Variants in PDE7A observed in about 807,000 individuals in gnomAD.
PDE7A encodes the protein high affinity 3',5'-cyclic-AMP phosphodiesterase 7A.
PDE7A carries 39 observed loss-of-function variants against 64.3 expected under a neutral mutation model. That is an observed-to-expected ratio of 0.61 (90% CI 0.47 to 0.79). The LOEUF is 0.79. Ranked by LOEUF, PDE7A falls within the 30% of genes least tolerant of loss-of-function variation. The pLI is 0.00. For missense variants in PDE7A, 470 were observed against 582.8 expected (o/e 0.81, Z 1.99); for synonymous variants, 203 against 206.8 (o/e 0.98, Z 0.16).
intron 4 of PDE7A, among the ~76,000 whole-genome samples, chr8:65,746,436 A>G (rs1370396344): frequency 6.6e-6 from 1 of 152,168 alleles, no homozygotes; most frequent in Admixed American, 6.5e-5. Flanking sequence ...ATGGATATGT[A>G]TTTATATTAT....
At chr8:65,819,593 A>G (rs2128931794) in intron 1 of PDE7A, among the ~76,000 whole-genome samples, 1 of 152,374 alleles carries the variant, frequency 6.6e-6, no homozygotes, top group South Asian at 2.1e-4. Context: ...TAGCAGAGCT[A>G]GATATTAATA....
At chr8:65,751,655 G>T (rs550454206) in intron 3 of PDE7A, among the ~76,000 whole-genome samples, 1 of 152,094 alleles carries the variant, frequency 6.6e-6, no homozygotes, top group Non-Finnish European at 1.5e-5. Flanking sequence ...ACCACACCCA[G>T]CTAATTTTGT....
rs1554572978 is a variant in PDE7A, at chr8:65,840,423, C to CACACACACACACAT, written c.138+947_138+948insATGTGTGTGTGTGT. On this transcript the variant is annotated intron_variant, in intron 1 of 12. Transcript: ENST00000401827. Reference sequence around the variant, plus strand: ...GCACACACACACACACACACACACACACACACACCTTGCTCAAGATACAAT... The same window carrying CACACACACACACAT: ...GCACACACACACACACACACACACACACACACACACACATACACACACCTTGCTCAAGATACAAT... 2.6e-5 allele frequency among the ~76,000 whole-genome samples: 4 copies of CACACACACACACAT among 151,354 alleles called. No individual in the cohort carries two copies. The South Asian group carries it at 8.3e-4, about 31-fold the overall frequency.
intron 3 of PDE7A, among the ~76,000 whole-genome samples, chr8:65,759,977 C>T (rs73240774): frequency 0.11 from 17,040 of 152,100 alleles, 1,100 homozygotes; most frequent in Middle Eastern, 0.18. Context: ...CGGTGGCTCA[C>T]ACCTATAATC....
intron 1 of PDE7A, among the ~76,000 whole-genome samples, chr8:65,792,181 T>C (rs962717459): frequency 1.3e-5 from 2 of 152,214 alleles, no homozygotes; most frequent in African/African-American, 2.4e-5. Flanking sequence ...TAGTGAAACA[T>C]GGCAAAGTAA....
At chr8:65,838,995 A>G (rs1024601217) in intron 1 of PDE7A, among the ~76,000 whole-genome samples, 4 of 152,214 alleles carry the variant, frequency 2.6e-5, no homozygotes, top group African/African-American at 9.6e-5. Flanking sequence ...GGATAAATGA[A>G]TTTGTGCTGT....
At chr8:65,815,493 G>A (rs1434050325) in intron 1 of PDE7A, among the ~76,000 whole-genome samples, 2 of 152,026 alleles carry the variant, frequency 1.3e-5, no homozygotes, top group Non-Finnish European at 2.9e-5. Flanking sequence ...CTAACTCCCA[G>A]TCATGACACA....
intron 1 of PDE7A, among the ~76,000 whole-genome samples, chr8:65,832,741 G>A (rs1005664184): frequency 2.1e-4 from 32 of 152,076 alleles, no homozygotes; most frequent in African/African-American, 7.7e-4. Context: ...TCCCACCTAA[G>A]CCTCACAAGT....
intron 1 of PDE7A, among the ~76,000 whole-genome samples, chr8:65,835,849 CTGAA>C (rs1242851647): frequency 2.0e-5 from 3 of 152,192 alleles, no homozygotes; most frequent in Non-Finnish European, 4.4e-5. Flanking sequence ...ATCTCCTAGA[CTGAA>C]TGTGTTCCTG....
At chr8:65,794,413 G>A (rs1003705259) in intron 1 of PDE7A, among the ~76,000 whole-genome samples, 1 of 149,706 alleles carries the variant, frequency 6.7e-6, no homozygotes, top group South Asian at 2.1e-4. Context: ...TAATGAGACC[G>A]ATTTGTAGGT....
chr8:65,823,210 A>G (rs890456745), intron 1 of PDE7A, among the ~76,000 whole-genome samples: 1 of 152,144 alleles, frequency 6.6e-6, no homozygotes, highest in Admixed American at 6.5e-5. Context: ...AATAGAAATG[A>G]GCTGAGGCCA....
intron 5 of PDE7A, among the ~76,000 whole-genome samples, chr8:65,743,488 CA>C (rs1290386320): frequency 1.3e-5 from 2 of 152,154 alleles, no homozygotes; most frequent in African/African-American, 4.8e-5. Context: ...CTGATAAAGA[CA>C]AACTTCACTG....
chr8:65,795,401 G>A (rs559074166), intron 1 of PDE7A, among the ~76,000 whole-genome samples: 4 of 152,308 alleles, frequency 2.6e-5, no homozygotes, highest in African/African-American at 9.6e-5. Context: ...CCAGAGAGGA[G>A]GGAGCTGTGA....
chr8:65,732,700 A>G (rs1325754544), intron 7 of PDE7A, among the ~76,000 whole-genome samples: 5 of 152,140 alleles, frequency 3.3e-5, no homozygotes, highest in Non-Finnish European at 7.4e-5. Flanking sequence ...TTTTGTAGAG[A>G]TGGGATCTTG....
intron 7 of PDE7A, among the ~76,000 whole-genome samples, chr8:65,732,830 G>C (rs546672601): frequency 1.3e-5 from 2 of 152,068 alleles, no homozygotes; most frequent in Non-Finnish European, 2.9e-5. Flanking sequence ...AAATTTTTCA[G>C]AAGTCATTTT....
intron 1 of PDE7A, chr8:65,788,913 G>A: frequency 3.1e-6 from 5 of 1,612,806 alleles, no homozygotes; most frequent in Non-Finnish European, 3.4e-6. Flanking sequence ...AAGAACCAAG[G>A]CCAGACACCA....
chr8:65,765,284 T>TC (rs1808713524), intron 3 of PDE7A, among the ~76,000 whole-genome samples: 2 of 150,894 alleles, frequency 1.3e-5, no homozygotes, highest in East Asian at 3.9e-4. Context: ...GGTCAGGAGA[T>TC]CGAGACCATC....
intron 1 of PDE7A, among the ~76,000 whole-genome samples, chr8:65,793,345 C>CATGCTGA (rs1809751247): frequency 6.6e-6 from 1 of 151,970 alleles, no homozygotes; most frequent in Non-Finnish European, 1.5e-5. Flanking sequence ...GGTATATCAG[C>CATGCTGA]ATGCTGAATT....
At chr8:65,764,041 G>GT (rs966526380) in intron 3 of PDE7A, among the ~76,000 whole-genome samples, 3 of 152,174 alleles carry the variant, frequency 2.0e-5, no homozygotes, top group Admixed American at 1.3e-4. Context: ...CTAGGTGAAA[G>GT]TTTTTTTAAA....
Sources: allele counts gnomAD v4.1 joint callset (sites outside exome capture counted in the v4.1 genomes callset), GRCh38; gene constraint gnomAD v4.1.1; transcripts MANE v1.5; gene names NCBI Gene and HGNC (gene_info 2026-07-23, HGNC 2026-07-21).